TMEM9: variants seen among roughly 807,000 people sequenced by gnomAD.
TMEM9 encodes proton-transporting V-type ATPase complex assembly regulator TMEM9.
TMEM9 carries 13 observed loss-of-function variants against 22.8 expected under a neutral mutation model. The ratio of observed to expected loss-of-function variants is 0.57; its 90% CI spans 0.37 to 0.91. The LOEUF (loss-of-function observed/expected upper bound fraction) is 0.91, where lower values mean the gene tolerates loss of function less well. Among genes scored for constraint, TMEM9 ranks in the 40% least tolerant of loss-of-function variants. The pLI is 0.01. For synonymous variants in TMEM9, 88 were observed against 93.0 expected (o/e 0.95, Z 0.31); for missense variants, 182 against 238.1 (o/e 0.76, Z 1.55).
chr1:201,149,054 G>A (rs574131177), intron 2 of TMEM9, among the ~76,000 whole-genome samples: 2 of 152,314 alleles, frequency 1.3e-5, no homozygotes, highest in Non-Finnish European at 2.9e-5. Flanking sequence ...TATTGCAGTG[G>A]AATCTATGGA....
At chr1:201,170,893 G>C (rs1300406448) in intron 1 of TMEM9, among the ~76,000 whole-genome samples, 3 of 152,078 alleles carry the variant, frequency 2.0e-5, no homozygotes, top group African/African-American at 4.8e-5. Context: ...GCTCCACTCC[G>C]GGTCCAGGCC....
intron 3 of TMEM9, among the ~76,000 whole-genome samples, chr1:201,146,059 G>A (rs762929893): frequency 1.6e-4 from 25 of 152,248 alleles, no homozygotes; most frequent in African/African-American, 5.5e-4. Context: ...CTAGGAAGCC[G>A]CACTGGGGGG....
At chr1:201,165,255 A>G in intron 1 of TMEM9, among the ~76,000 whole-genome samples, 1 of 149,804 alleles carries the variant, frequency 6.7e-6, no homozygotes, top group South Asian at 2.1e-4. Flanking sequence ...TTCTAAGAAT[A>G]CTCAGAAAGG....
upstream of TMEM9, among the ~76,000 whole-genome samples, chr1:201,156,602 G>T (rs1040323447): frequency 2.6e-5 from 4 of 152,048 alleles, no homozygotes; most frequent in African/African-American, 7.2e-5. Context: ...ATCACCCCCA[G>T]CACTGCCAGT....
At chr1:201,138,175 C>T (rs1442238650) in intron 4 of TMEM9, among the ~76,000 whole-genome samples, 1 of 152,184 alleles carries the variant, frequency 6.6e-6, no homozygotes, top group African/African-American at 2.4e-5. Context: ...TTTAGCCCTG[C>T]CCTCCTTCCA....
In TMEM9 at chr1:201,153,897, C is replaced by A; in HGVS notation, c.27G>T (p.Val9=). Residue 9 remains valine, a synonymous_variant, in exon 1 of 5, where the codon GTG becomes GTT. Coordinates refer to ENST00000367330, the MANE Select transcript of TMEM9 (RefSeq NM_001288565.2). ...CTGGGGGCACCAGCAAACACCCGAC[C>A]ACAGCCACCAAAGATAAGAGCTTCA... The part of the protein sequence containing the change: MKLLSLVA[V]VGCLLVPPAE... The A allele has an allele frequency of 3.1e-6, 5 of 1,613,854 alleles. No individual in the cohort carries two copies. Among genetic ancestry groups the A allele is most frequent in the African/African-American group, 2.7e-5 (2 of 75,050 alleles).
At chr1:201,143,205 T>C (rs1181241016) in intron 4 of TMEM9, among the ~76,000 whole-genome samples, 1 of 152,200 alleles carries the variant, frequency 6.6e-6, no homozygotes, top group East Asian at 1.9e-4. Context: ...AGCTTGACAT[T>C]TGGGACTTTT....
chr1:201,147,705 A>G (rs1466471437), intron 2 of TMEM9, among the ~76,000 whole-genome samples: 1 of 152,170 alleles, frequency 6.6e-6, no homozygotes, highest in Non-Finnish European at 1.5e-5. Flanking sequence ...GCCTCCACAG[A>G]GCCCCTAGGG....
chr1:201,151,700 T>C lies in TMEM9; in HGVS notation c.158+61A>G, dbSNP rs557238515. The C allele has an allele frequency of 2.0e-4, 251 of 1,279,804 alleles. 2 individuals carry two copies. The East Asian group carries it at 5.8e-3, about 30-fold the overall frequency. The allele number at this position is 1,279,804 out of a possible 1,614,324, so 79.3% of individuals were successfully genotyped here. A position where few individuals can be genotyped will look rare whatever the true frequency, so the allele number is the denominator to read the frequency against. ...CTTATCCTCCAGGGTCCAAGAACTC[T>C]AGTAAACACCCATAACTTCAACTGG... On this transcript the variant is annotated intron_variant, in intron 2 of 4. Coordinates refer to ENST00000367330, the MANE Select transcript of TMEM9 (RefSeq NM_001288565.2).
At chr1:201,161,826 G>T (rs1015802865) in intron 1 of TMEM9, among the ~76,000 whole-genome samples, 1 of 152,164 alleles carries the variant, frequency 6.6e-6, no homozygotes, top group Non-Finnish European at 1.5e-5. Context: ...AACAGATCAG[G>T]TTCTATCATT....
chr1:201,163,881 T>G (rs1029726517), intron 1 of TMEM9, among the ~76,000 whole-genome samples: 1 of 152,182 alleles, frequency 6.6e-6, no homozygotes, highest in Non-Finnish European at 1.5e-5. Flanking sequence ...TCCTGGGCAT[T>G]TAGCCTAGAA....
At chr1:201,168,588 G>A (rs1373349042) in intron 1 of TMEM9, among the ~76,000 whole-genome samples, 5 of 152,022 alleles carry the variant, frequency 3.3e-5, no homozygotes, top group East Asian at 1.9e-4. Context: ...GTGTGGTGGC[G>A]CATGCCTGTA....
At chr1:201,164,517 G>C (rs1461773535) in intron 1 of TMEM9, among the ~76,000 whole-genome samples, 1 of 152,168 alleles carries the variant, frequency 6.6e-6, no homozygotes, top group African/African-American at 2.4e-5. Flanking sequence ...AAAATTGCCA[G>C]TATTTGACTG....
chr1:201,159,727 T>C (rs116373475), intron 1 of TMEM9, among the ~76,000 whole-genome samples: 2,195 of 152,302 alleles, frequency 0.014, 72 homozygotes, highest in African/African-American at 0.05. Flanking sequence ...ACATTTTAAT[T>C]GAACAAAACT....
intron 1 of TMEM9, among the ~76,000 whole-genome samples, chr1:201,165,983 C>A (rs1666064273): frequency 6.6e-6 from 1 of 152,194 alleles, no homozygotes; most frequent in African/African-American, 2.4e-5. Flanking sequence ...ATCTCACAAT[C>A]TTTCTGCGAC....
chr1:201,153,940 G>A lies in TMEM9; in HGVS notation c.-17C>T, dbSNP rs769335489. On this transcript the variant is annotated 5_prime_UTR_variant, in exon 1 of 5. An upstream open reading frame in the 5' UTR gains an earlier in-frame stop. Transcript: ENST00000367330. ...GAGCTTCATGCTTATCAGGCTTGCT[G>A]GGCCAGCAAAGCCGGACACCTGGAA... 5 of 1,599,532 alleles carry A rather than the reference G, an allele frequency of 3.1e-6. No homozygotes were observed. Among genetic ancestry groups the A allele is most frequent in the African/African-American group, 2.7e-5 (2 of 74,262 alleles).
intron 1 of TMEM9, among the ~76,000 whole-genome samples, chr1:201,152,261 T>C (rs954994183): frequency 1.3e-5 from 2 of 152,112 alleles, no homozygotes; most frequent in Non-Finnish European, 2.9e-5. Context: ...TTCCCCACAT[T>C]CCTTCTCCAA....
At chr1:201,169,154 G>C (rs1279354543) in intron 1 of TMEM9, among the ~76,000 whole-genome samples, 1 of 152,082 alleles carries the variant, frequency 6.6e-6, no homozygotes, top group Non-Finnish European at 1.5e-5. Context: ...ATAGAGGTGG[G>C]TTGGGGAGGA....
At chr1:201,146,941 T>A in intron 2 of TMEM9, 93 bp from the exon 3 acceptor site, 1 of 1,156,980 alleles carries the variant, frequency 8.6e-7, no homozygotes, top group South Asian at 1.3e-5. Flanking sequence ...AGCTGAGAGG[T>A]AGGGGCTAGG....
Sources: allele counts gnomAD v4.1 joint callset (sites outside exome capture counted in the v4.1 genomes callset), GRCh38; gene constraint gnomAD v4.1.1; transcripts MANE v1.5; gene names NCBI Gene and HGNC (gene_info 2026-07-23, HGNC 2026-07-21).